The following MAPK10 variants were observed in gnomAD, a reference collection of about 807,000 sequenced individuals.
MAPK10 encodes the protein JNK3 alpha protein kinase.
Under a neutral mutation model 59.3 loss-of-function variants are expected in MAPK10, and 25 were observed. That is an observed-to-expected ratio of 0.42 (90% CI 0.31 to 0.59). The LOEUF is 0.59. Among genes scored for constraint, MAPK10 ranks in the 20% least tolerant of loss-of-function variants. The probability of loss-of-function intolerance (pLI) is 0.15; values close to 1 mark genes in which losing one functional copy is unlikely to be tolerated. For synonymous variants in MAPK10, 190 were observed against 200.5 expected (o/e 0.95, Z 0.44); for missense variants, 351 against 568.9 (o/e 0.62, Z 3.90).
At chr4:86,137,252 C>T (rs1189869167) in intron 4 of MAPK10, among the ~76,000 whole-genome samples, 3 of 151,950 alleles carry the variant, frequency 2.0e-5, no homozygotes, top group Non-Finnish European at 1.5e-5. Flanking sequence ...CACCACACCA[C>T]ACCTACTCCA....
chr4:86,185,227 A>T (rs143910335), intron 3 of MAPK10, among the ~76,000 whole-genome samples: 1 of 152,282 alleles, frequency 6.6e-6, no homozygotes, highest in East Asian at 1.9e-4. Flanking sequence ...GAGGAGCAAA[A>T]TTCCAGACCA....
intron 5 of MAPK10, among the ~76,000 whole-genome samples, chr4:86,104,672 C>T (rs952176762): frequency 6.6e-6 from 1 of 151,978 alleles, no homozygotes; most frequent in African/African-American, 2.4e-5. Context: ...ACCCAGATCA[C>T]TTAGTGAACA....
intron 1 of MAPK10, among the ~76,000 whole-genome samples, chr4:86,421,752 A>C (rs75664112): frequency 0.012 from 1,858 of 152,316 alleles, 41 homozygotes; most frequent in African/African-American, 0.043. Context: ...ATGTTCTATA[A>C]CACAGCCAGA....
At chr4:86,351,137 G>A (rs1421125509) in intron 2 of MAPK10, among the ~76,000 whole-genome samples, 21 of 151,920 alleles carry the variant, frequency 1.4e-4, no homozygotes, top group Non-Finnish European at 2.9e-5. Context: ...TAAAATTTAT[G>A]AGCCTGTGAA....
chr4:86,427,439 A>G (rs1720258925), intron 1 of MAPK10, among the ~76,000 whole-genome samples: 1 of 151,804 alleles, frequency 6.6e-6, no homozygotes, highest in Non-Finnish European at 1.5e-5. Context: ...TTGAAACCCC[A>G]CTCATATCTC....
intron 2 of MAPK10, among the ~76,000 whole-genome samples, chr4:86,198,094 A>G (rs1166053210): frequency 6.6e-6 from 1 of 152,136 alleles, no homozygotes; most frequent in African/African-American, 2.4e-5. Flanking sequence ...GCAATTCTCT[A>G]TGGCCCTCTC....
intron 5 of MAPK10, among the ~76,000 whole-genome samples, chr4:86,104,094 T>C (rs2056092118): frequency 6.6e-6 from 1 of 152,108 alleles, no homozygotes; most frequent in Non-Finnish European, 1.5e-5. Context: ...TTAAGCAGCT[T>C]CAAAGCATCA....
chr4:86,400,116 C>G (rs1253985701), intron 1 of MAPK10, among the ~76,000 whole-genome samples: 2 of 152,136 alleles, frequency 1.3e-5, no homozygotes, highest in African/African-American at 2.4e-5. Flanking sequence ...ATGGTCATAT[C>G]ACATATAAAG....
At chr4:86,103,075 CTGTGTGTG>C (rs10681488) in intron 6 of MAPK10, 103 bp downstream of exon 6, 156 of 498,664 alleles carry the variant, frequency 3.1e-4, no homozygotes, top group South Asian at 8.2e-4. Flanking sequence ...GATTTCAACT[CTGTGTGTG>C]TGTGTGTGTG....
At chr4:86,224,945 T>C (rs183748392) in intron 2 of MAPK10, among the ~76,000 whole-genome samples, 15 of 152,316 alleles carry the variant, frequency 9.8e-5, no homozygotes, top group Non-Finnish European at 1.8e-4. Context: ...TAATCTAAAA[T>C]TTATAGACAG....
rs372595327 is a variant in MAPK10, at chr4:86,212,767, T to C, written c.-6-18360A>G. 1.2e-4 allele frequency among the ~76,000 whole-genome samples: 18 copies of C among 152,298 alleles called. No individual in the cohort carries two copies. In the East Asian group the frequency reaches 1.9e-3, roughly 16 times the overall value. Reference sequence around the variant, plus strand: ...AAGACTGGAAGGAGAAATTGACAGATGTACGACAGTAGTTGGAGACTTCAA... The same window carrying C: ...AAGACTGGAAGGAGAAATTGACAGACGTACGACAGTAGTTGGAGACTTCAA... On this transcript the variant is annotated intron_variant, in intron 2 of 13. Coordinates refer to ENST00000641462, the MANE Select transcript of MAPK10 (RefSeq NM_138982.4).
chr4:86,159,277 C>T, intron 4 of MAPK10, 21 bp downstream of exon 4: 2 of 1,572,318 alleles, frequency 1.3e-6, no homozygotes, highest in Non-Finnish European at 1.7e-6. Context: ...TTTAAAAATA[C>T]AGCAAATCCA....
At chr4:86,029,733 T>C (rs533498654) in intron 12 of MAPK10, among the ~76,000 whole-genome samples, 97 of 152,302 alleles carry the variant, frequency 6.4e-4, no homozygotes, top group Middle Eastern at 3.4e-3. Flanking sequence ...TTTTTCTTTA[T>C]ACTTATTTCC....
intron 9 of MAPK10, chr4:86,091,536 A>ATTTTTTTT (rs71657508): frequency 3.0e-4 from 20 of 67,458 alleles, no homozygotes; most frequent in East Asian, 5.5e-4. Flanking sequence ...AAATCCCTTG[A>ATTTTTTTT]TTTTTTTTTT....
intron 1 of MAPK10, among the ~76,000 whole-genome samples, chr4:86,549,926 C>T (rs530717697): frequency 2.4e-4 from 37 of 152,180 alleles, no homozygotes; most frequent in South Asian, 2.1e-3. Flanking sequence ...CACATTATAC[C>T]TTAAAAGTCA....
At chr4:86,564,765 G>T (rs1009003763) in intron 1 of MAPK10, among the ~76,000 whole-genome samples, 5 of 152,208 alleles carry the variant, frequency 3.3e-5, no homozygotes, top group Non-Finnish European at 5.9e-5. Context: ...GCTCGGAAAA[G>T]GGTGCATTTT....
upstream of MAPK10, among the ~76,000 whole-genome samples, chr4:86,360,639 G>A (rs1736758318): frequency 6.6e-6 from 1 of 151,892 alleles, no homozygotes; most frequent in Non-Finnish European, 1.5e-5. Context: ...AGAAAATACT[G>A]ATTAATTTGA....
chr4:86,280,813 A>C (rs996454317), intron 2 of MAPK10, among the ~76,000 whole-genome samples: 1 of 152,204 alleles, frequency 6.6e-6, no homozygotes, highest in African/African-American at 2.4e-5. Context: ...ATGCAACCAG[A>C]GGCCACTATC....
chr4:86,534,526 G>A (rs187308645), intron 1 of MAPK10, among the ~76,000 whole-genome samples: 22 of 152,198 alleles, frequency 1.4e-4, no homozygotes, highest in African/African-American at 5.1e-4. Context: ...CAATGGTATT[G>A]TGAGATATTA....
Sources: allele counts gnomAD v4.1 joint callset (sites outside exome capture counted in the v4.1 genomes callset), GRCh38; gene constraint gnomAD v4.1.1; transcripts MANE v1.5; gene names NCBI Gene and HGNC (gene_info 2026-07-23, HGNC 2026-07-21).